Variants in TGS1 observed in about 807,000 individuals in gnomAD.
TGS1 encodes the protein trimethylguanosine synthase.
TGS1 carries 69 observed loss-of-function variants against 92.2 expected under a neutral mutation model. The observed-to-expected ratio is 0.75, with a 90% CI of 0.62 to 0.91. TGS1 has a LOEUF of 0.91. Among genes scored for constraint, TGS1 ranks in the 40% least tolerant of loss-of-function variants. The pLI is 0.00. For missense variants in TGS1, 1,062 were observed against 1,001.2 expected, an observed-to-expected ratio of 1.06 and a Z score of -0.82; for synonymous variants, 345 against 338.1, an observed-to-expected ratio of 1.02 and a Z score of -0.22.
chr8:55,798,771 A>T, intron 7 of TGS1, 143 bp from the exon 8 acceptor site: 1 of 646,762 alleles, frequency 1.5e-6, no homozygotes, highest in East Asian at 2.7e-5. Flanking sequence ...ATTACTTACT[A>T]TTAAGCTTGT....
chr8:55,783,326 A>T (rs1360415215), intron 2 of TGS1, among the ~76,000 whole-genome samples: 1 of 152,124 alleles, frequency 6.6e-6, no homozygotes, highest in Non-Finnish European at 1.5e-5. Context: ...GGCTGAGGCA[A>T]GAAAATCCCT....
chr8:55,814,637 A>G (rs1173629591), intron 12 of TGS1, among the ~76,000 whole-genome samples: 3 of 147,570 alleles, frequency 2.0e-5, no homozygotes, highest in Non-Finnish European at 4.5e-5. Flanking sequence ...CCTGGCCAAC[A>G]TGGCAAAACC....
chr8:55,814,972 G>C (rs1391530415), intron 12 of TGS1, among the ~76,000 whole-genome samples: 2 of 151,922 alleles, frequency 1.3e-5, no homozygotes, highest in Non-Finnish European at 2.9e-5. Context: ...TGCCAGATAA[G>C]GTTGAGCCTA....
At chr8:55,804,756 C>T in intron 9 of TGS1, 137 bp from the exon 10 acceptor site, 1 of 691,594 alleles carries the variant, frequency 1.4e-6, no homozygotes, top group Non-Finnish European at 2.2e-6. Flanking sequence ...TTCTTTAAAA[C>T]TGGGTGATTT....
At chr8:55,812,877 C>G (rs1476978704) in intron 11 of TGS1, among the ~76,000 whole-genome samples, 163 bp from the exon 12 acceptor site, 1 of 152,096 alleles carries the variant, frequency 6.6e-6, no homozygotes, top group Non-Finnish European at 1.5e-5. Context: ...TGCTGAATTA[C>G]AAAATTTTGT....
chr8:55,778,273 TA>T (rs5891588), intron 1 of TGS1, among the ~76,000 whole-genome samples: 20,762 of 151,908 alleles, frequency 0.14, 1,558 homozygotes, highest in African/African-American at 0.19. Flanking sequence ...AGTAGTGGCC[TA>T]AAAAAAATCA....
intron 1 of TGS1, among the ~76,000 whole-genome samples, chr8:55,776,998 G>A (rs1285903173): frequency 1.3e-5 from 2 of 150,986 alleles, no homozygotes; most frequent in Non-Finnish European, 3.0e-5. Context: ...TTTTTGTTTT[G>A]TTTTTTGGGT....
intron 12 of TGS1, among the ~76,000 whole-genome samples, chr8:55,821,372 GTTA>G (rs1238811853): frequency 1.3e-5 from 2 of 152,124 alleles, no homozygotes; most frequent in African/African-American, 4.8e-5. Context: ...CTCAATAATA[GTTA>G]TTGAGTAAAG....
At chr8:55,818,947 GT>G (rs1173622823) in intron 12 of TGS1, among the ~76,000 whole-genome samples, 4 of 152,184 alleles carry the variant, frequency 2.6e-5, no homozygotes, top group Admixed American at 6.5e-5. Flanking sequence ...TTTTGGTGGG[GT>G]TTTTTTCTTC....
chr8:55,792,769 A>G lies in TGS1; in HGVS notation c.1352A>G (p.Tyr451Cys), dbSNP rs1342581181. ...AGTGGTTCCCTTCTAGGATTCAAGT[A>G]TGGCTCAGGACAAAAGTAATTATTC... ...DDSGSLLGFK[Y>C]GSGQKYGGIP... The change falls in exon 6 of 13, where the codon TAT becomes TGT. Residue 451 changes from tyrosine to cysteine, a missense_variant. Transcript: ENST00000260129. The G allele has an allele frequency of 5.6e-6, 9 of 1,612,962 alleles. No individual in the cohort carries two copies. The highest frequency in any genetic ancestry group is 1.3e-5 in the African/African-American group (1 of 74,902).
chr8:55,814,929 A>T (rs781350953), intron 12 of TGS1, among the ~76,000 whole-genome samples: 1 of 151,806 alleles, frequency 6.6e-6, no homozygotes, highest in African/African-American at 2.4e-5. Context: ...TTTTATATCT[A>T]CTTCTCATAT....
intron 11 of TGS1, among the ~76,000 whole-genome samples, chr8:55,812,649 A>G (rs1279658946): frequency 6.6e-6 from 1 of 152,088 alleles, no homozygotes; most frequent in East Asian, 1.9e-4. Flanking sequence ...ACGCTACTGC[A>G]CTCCAGCCTG....
chr8:55,780,791 C>T (rs1811538797), intron 1 of TGS1, among the ~76,000 whole-genome samples: 1 of 152,146 alleles, frequency 6.6e-6, no homozygotes. Flanking sequence ...TTTATGTTAA[C>T]ATGGAATCTA....
chr8:55,790,015 T>C (rs1013673103), intron 4 of TGS1, 167 bp from the exon 5 acceptor site: 2 of 582,868 alleles, frequency 3.4e-6, no homozygotes, highest in East Asian at 2.9e-5. Context: ...TTTAAAATGC[T>C]CAGACTCTGC....
At chr8:55,795,580 A>G (rs1812017628) in intron 6 of TGS1, among the ~76,000 whole-genome samples, 1 of 152,208 alleles carries the variant, frequency 6.6e-6, no homozygotes. Context: ...GATAATTCAA[A>G]TGTATCCAGA....
At chr8:55,800,549 A>G (rs187053605) in intron 8 of TGS1, among the ~76,000 whole-genome samples, 2 of 152,288 alleles carry the variant, frequency 1.3e-5, no homozygotes, top group Admixed American at 6.5e-5. Flanking sequence ...GGGTAGTACC[A>G]CCTTCACAAG....
At chr8:55,779,313 T>C (rs1437304322) in intron 1 of TGS1, among the ~76,000 whole-genome samples, 3 of 152,228 alleles carry the variant, frequency 2.0e-5, no homozygotes, top group Non-Finnish European at 2.9e-5. Flanking sequence ...ATATAACAGC[T>C]GGTAATCTCT....
intron 11 of TGS1, among the ~76,000 whole-genome samples, chr8:55,811,487 C>T (rs992809399): frequency 2.7e-5 from 4 of 149,418 alleles, no homozygotes; most frequent in African/African-American, 7.5e-5. Context: ...ATTGGCCAGG[C>T]ACGGTGGCTC....
In TGS1 at chr8:55,796,069, CAAAT is replaced by C; in HGVS notation, c.1463_1466del (p.Ile488ArgfsTer2). The C allele has an allele frequency of 2.5e-6, 4 of 1,612,618 alleles. No individual in the cohort carries two copies. Among genetic ancestry groups the C allele is most frequent in the East Asian group, 4.5e-5 (2 of 44,784 alleles). ...GTCTAAGTACCTAGACATGCGCAGA[CAAAT>C]AAAGATGAAAAACAAACACATCTTC... On this transcript the variant is annotated frameshift_variant, in exon 7 of 13. Coordinates refer to ENST00000260129, the MANE Select transcript of TGS1 (RefSeq NM_024831.8). LOFTEE classifies it high-confidence loss of function.
Sources: gnomAD v4.1 joint callset for allele counts (sites outside exome capture counted in the v4.1 genomes callset) on GRCh38, gnomAD v4.1.1 for gene constraint, MANE v1.5 for transcripts, NCBI Gene and HGNC (gene_info 2026-07-23, HGNC 2026-07-21) for gene names.